ITFG1: variants seen among roughly 807,000 people sequenced by gnomAD.
ITFG1 encodes integrin alpha FG-GAP repeat containing 1, also known as T-cell immunomodulatory protein.
Under a neutral mutation model 81.8 loss-of-function variants are expected in ITFG1, and 34 were observed. The ratio of observed to expected loss-of-function variants is 0.42; its 90% CI spans 0.32 to 0.55. ITFG1 has a LOEUF of 0.55. ITFG1 is among the 20% of genes least tolerant of loss of function. ITFG1 has a pLI of 0.17. For missense variants in ITFG1, 672 were observed against 755.4 expected (o/e 0.89, Z 1.29); for synonymous variants, 285 against 270.6 (o/e 1.05, Z -0.52).
chr16:47,442,315 A>T (rs544226095), intron 5 of ITFG1, among the ~76,000 whole-genome samples: 1 of 152,308 alleles, frequency 6.6e-6, no homozygotes, highest in African/African-American at 2.4e-5. Flanking sequence ...TTTTTCAGAG[A>T]ATTGGAAAAG....
At chr16:47,250,576 G>A (rs1462865723) in intron 12 of ITFG1, among the ~76,000 whole-genome samples, 1 of 151,808 alleles carries the variant, frequency 6.6e-6, no homozygotes, top group Non-Finnish European at 1.5e-5. Context: ...TATTAAACAA[G>A]GAATTAAAAA....
At chr16:47,423,278 A>G (rs919730907) in intron 6 of ITFG1, among the ~76,000 whole-genome samples, 62 of 108,726 alleles carry the variant, frequency 5.7e-4, no homozygotes, top group Non-Finnish European at 9.0e-4. Context: ...TTTGCTTTCC[A>G]TTTGCTAGGT....
chr16:47,346,564 A>G (rs1304851198), intron 8 of ITFG1, among the ~76,000 whole-genome samples: 2 of 152,212 alleles, frequency 1.3e-5, no homozygotes, highest in Non-Finnish European at 2.9e-5. Context: ...AATACTTAAA[A>G]TCAGAGAAGA....
At chr16:47,167,812 T>A (rs1964911998) in intron 14 of ITFG1, among the ~76,000 whole-genome samples, 1 of 152,252 alleles carries the variant, frequency 6.6e-6, no homozygotes, top group Non-Finnish European at 1.5e-5. Context: ...GATTTGTTTA[T>A]CCATCCAGCT....
rs555635632 is a variant in ITFG1, at chr16:47,161,961, T to A, written c.1579-129A>T. 1.6e-5 allele frequency: 10 copies of A among 622,058 alleles called. No homozygotes were observed. In the South Asian group the frequency reaches 2.0e-4, roughly 12 times the overall value. The allele number at this position is 622,058 out of a possible 1,614,324, so 38.5% of individuals were successfully genotyped here. ...TTCTAGGTATGGATTAAGCTATGTT[T>A]ACCAATATTAAGCCAAAAATAAGGC... On this transcript the variant is annotated intron_variant, in intron 15 of 17. Coordinates refer to ENST00000320640, the MANE Select transcript of ITFG1 (RefSeq NM_030790.5).
intron 14 of ITFG1, among the ~76,000 whole-genome samples, chr16:47,195,881 C>T (rs773988202): frequency 6.6e-6 from 1 of 152,128 alleles, no homozygotes; most frequent in African/African-American, 2.4e-5. Flanking sequence ...CCTGCACCCC[C>T]CAACAGGCCC....
chr16:47,358,737 T>C (rs550352031), intron 8 of ITFG1, among the ~76,000 whole-genome samples: 2 of 152,328 alleles, frequency 1.3e-5, no homozygotes, highest in East Asian at 3.9e-4. Flanking sequence ...ATAGTTAATA[T>C]CCAATTGAAT....
intron 14 of ITFG1, among the ~76,000 whole-genome samples, chr16:47,197,977 C>T (rs935807068): frequency 2.0e-5 from 3 of 152,242 alleles, no homozygotes; most frequent in African/African-American, 7.2e-5. Context: ...ATATGATAAG[C>T]TCTGTAGTAT....
chr16:47,421,707 C>T (rs144195107), intron 6 of ITFG1, among the ~76,000 whole-genome samples: 7,483 of 152,098 alleles, frequency 0.049, 255 homozygotes, highest in Middle Eastern at 0.1. Flanking sequence ...ACTTTAAGTT[C>T]TAGGGTACAT....
chr16:47,164,616 T>C (rs751028123), intron 14 of ITFG1, among the ~76,000 whole-genome samples: 1 of 152,268 alleles, frequency 6.6e-6, no homozygotes, highest in Non-Finnish European at 1.5e-5. Context: ...TCCTCTTATA[T>C]TTTGATCAGG....
Position 47,198,852 on chromosome 16 carries a change from T to C in ITFG1, c.1453+20016A>G, listed in dbSNP as rs1308786322. On this transcript the variant is annotated intron_variant, in intron 14 of 17. Coordinates refer to ENST00000320640, the MANE Select transcript of ITFG1 (RefSeq NM_030790.5). Reference sequence around the variant, plus strand: ...AAAAAATTTTTGTACACCTGAACAATGTCTTTGTGTTTTAAGCTAAGTTAT... The same window carrying C: ...AAAAAATTTTTGTACACCTGAACAACGTCTTTGTGTTTTAAGCTAAGTTAT... Among the ~76,000 whole-genome samples, 7 of 152,212 alleles carry C rather than the reference T, an allele frequency of 4.6e-5. No individual in the cohort carries two copies. The East Asian group carries it at 1.2e-3, about 25-fold the overall frequency.
intron 11 of ITFG1, among the ~76,000 whole-genome samples, chr16:47,260,241 G>A (rs1019937494): frequency 9.9e-5 from 15 of 152,012 alleles, no homozygotes; most frequent in African/African-American, 3.6e-4. Context: ...CCGGCCTGTT[G>A]GCTGTAATTT....
chr16:47,328,021 C>T (rs878870184), intron 8 of ITFG1, among the ~76,000 whole-genome samples: 6 of 152,118 alleles, frequency 3.9e-5, no homozygotes, highest in Non-Finnish European at 5.9e-5. Flanking sequence ...CACATGCACA[C>T]GTATGTTTAC....
intron 14 of ITFG1, among the ~76,000 whole-genome samples, chr16:47,175,322 TAATTA>T (rs1289159814): frequency 3.3e-5 from 5 of 150,864 alleles, no homozygotes; most frequent in Non-Finnish European, 5.9e-5. Flanking sequence ...ACTTTAATTT[TAATTA>T]AATTAATTAT....
chr16:47,321,324 C>T (rs1967445117), intron 8 of ITFG1, among the ~76,000 whole-genome samples: 1 of 152,092 alleles, frequency 6.6e-6, no homozygotes, highest in Non-Finnish European at 1.5e-5. Flanking sequence ...ATGGCTTTCT[C>T]ATTATACTTG....
At chr16:47,450,890 G>A (rs147324579) in intron 5 of ITFG1, among the ~76,000 whole-genome samples, 84 of 152,292 alleles carry the variant, frequency 5.5e-4, no homozygotes, top group African/African-American at 1.9e-3. Context: ...TGCATACTTA[G>A]ATAGTAAGAG....
At chr16:47,377,599 C>G (rs1203252958) in intron 6 of ITFG1, among the ~76,000 whole-genome samples, 1 of 152,150 alleles carries the variant, frequency 6.6e-6, no homozygotes, top group African/African-American at 2.4e-5. Context: ...AGTACCTTTC[C>G]ACCTCACAGC....
intron 5 of ITFG1, among the ~76,000 whole-genome samples, chr16:47,436,322 A>G (rs986946728): frequency 5.3e-5 from 8 of 152,182 alleles, no homozygotes; most frequent in Non-Finnish European, 1.0e-4. Context: ...TAAAAAAAAT[A>G]AAGTTTGCAT....
chr16:47,345,288 A>G (rs1967836533), intron 8 of ITFG1, among the ~76,000 whole-genome samples: 1 of 146,026 alleles, frequency 6.8e-6, no homozygotes, highest in African/African-American at 2.7e-5. Flanking sequence ...TTGCAAAAAA[A>G]CTCTTTTTTT....
Sources: allele counts gnomAD v4.1 joint callset (sites outside exome capture counted in the v4.1 genomes callset), GRCh38; gene constraint gnomAD v4.1.1; transcripts MANE v1.5; gene names NCBI Gene and HGNC (gene_info 2026-07-23, HGNC 2026-07-21).